Variants in CLVS1 observed in about 807,000 individuals in gnomAD.
The protein encoded by CLVS1 is clavesin 1.
A neutral mutation model predicts 33.1 loss-of-function variants in CLVS1; 10 were observed. The observed-to-expected ratio is 0.30, with a 90% CI of 0.19 to 0.51. The LOEUF (loss-of-function observed/expected upper bound fraction) is 0.51. CLVS1 is among the 20% of genes least tolerant of loss of function. The pLI, the probability that CLVS1 is intolerant of heterozygous loss-of-function variation, is 0.97. For missense variants in CLVS1, 343 were observed against 433.4 expected, an observed-to-expected ratio of 0.79 and a Z score of 1.85; for synonymous variants, 163 against 166.1, an observed-to-expected ratio of 0.98 and a Z score of 0.14.
the CLVS1 span, among the ~76,000 whole-genome samples, chr8:61,051,995 G>A: frequency 6.6e-6 from 1 of 152,374 alleles, no homozygotes; most frequent in Admixed American, 6.5e-5. Flanking sequence ...ATCCGGCCAT[G>A]GCCTTGGCCT....
At chr8:61,168,686 A>T (rs929041223) in intron 2 of CLVS1, among the ~76,000 whole-genome samples, 4 of 152,240 alleles carry the variant, frequency 2.6e-5, no homozygotes, top group African/African-American at 4.8e-5. Context: ...ATCACAAAAA[A>T]TTAAAAACTG....
chr8:61,071,294 G>A (rs1052942000), intron 1 of CLVS1, among the ~76,000 whole-genome samples: 4 of 152,202 alleles, frequency 2.6e-5, no homozygotes, highest in Non-Finnish European at 5.9e-5. Context: ...ATTGGGTGCC[G>A]AAATCAAGGT....
chr8:61,305,845 A>C (rs1323110996), intron 2 of CLVS1, among the ~76,000 whole-genome samples: 1 of 152,104 alleles, frequency 6.6e-6, no homozygotes. Context: ...TGCTAAGGAT[A>C]ATGGCTTCCA....
At chr8:61,066,272 G>C (rs1563390017) in intron 1 of CLVS1, among the ~76,000 whole-genome samples, 1 of 152,214 alleles carries the variant, frequency 6.6e-6, no homozygotes, top group East Asian at 1.9e-4. Context: ...AAGGCAGGTG[G>C]ATTGCTTGAG....
chr8:61,143,572 GAGTCTCCCT>G lies in CLVS1; in HGVS notation c.-152+11716_-152+11724del, dbSNP rs1806352867. On this transcript the variant is annotated intron_variant, in intron 2 of 2. Coordinates refer to the CLVS1 transcript ENST00000522621. ...TAATCATGTAGGACTCCCATAAAGA[GAGTCTCCCT>G]AGTGCCAGTCTTTGCTGTCTCATCC... 3.9e-5 allele frequency among the ~76,000 whole-genome samples: 6 copies of G among 152,030 alleles called. No individual in the cohort carries two copies. In the South Asian group the frequency reaches 1.3e-3, roughly 32 times the overall value.
rs1817066919 is a variant in CLVS1, at chr8:61,454,163, G to T, written c.653G>T (p.Gly218Val). 6.2e-7 allele frequency: 1 copy of T among 1,613,898 alleles called. No homozygotes were observed. Among genetic ancestry groups the T allele is most frequent in the Admixed American group, 1.7e-5 (1 of 59,998 alleles). ...CAGGACAGCTTTCCTGCCCGCTTTG[G>T]AGGAGTCCACTTTGTCAACCAGCCC... ...GLQDSFPARFGGVHFVNQPWY... is the reference protein window; with the variant it reads ...GLQDSFPARFVGVHFVNQPWY... Residue 218 changes from glycine to valine, a missense_variant, in exon 4 of 6, where the codon GGA becomes GTA. Coordinates refer to ENST00000325897, the MANE Select transcript of CLVS1 (RefSeq NM_173519.3).
chr8:61,397,413 A>G (rs1814570816), intron 3 of CLVS1, among the ~76,000 whole-genome samples: 1 of 152,130 alleles, frequency 6.6e-6, no homozygotes, highest in Non-Finnish European at 1.5e-5. Context: ...GAGTTATAAG[A>G]GAAACATGTC....
In CLVS1 at chr8:61,499,363, A is replaced by C; in HGVS notation, c.978-92A>C. The C allele has an allele frequency of 3.6e-6, 3 of 836,764 alleles. No homozygotes were observed. In the South Asian group the frequency reaches 4.3e-5, roughly 12 times the overall value. The allele number at this position is 836,764 out of a possible 1,614,324, so 51.8% of individuals were successfully genotyped here. A position where few individuals can be genotyped will look rare whatever the true frequency, so the allele number is the denominator to read the frequency against. ...GTTAATTTTTGAGTGTCTATTAAAA[A>C]GAGAAATATAAAATCCGGATGTCTT... is the stretch of plus-strand genomic sequence containing the variant. On this transcript the variant is annotated intron_variant, in intron 5 of 5. Transcript: ENST00000325897.
At chr8:60,975,011 G>T in the CLVS1 span, among the ~76,000 whole-genome samples, 1 of 152,078 alleles carries the variant, frequency 6.6e-6, no homozygotes, top group African/African-American at 2.4e-5. Flanking sequence ...TTTGAGAAAA[G>T]CTCCCTCGAT....
intron 5 of CLVS1, among the ~76,000 whole-genome samples, chr8:61,481,188 C>T (rs1428953436): frequency 6.6e-6 from 1 of 152,134 alleles, no homozygotes; most frequent in African/African-American, 2.4e-5. Flanking sequence ...GTGCAGCTGT[C>T]CATCTCCCTG....
chr8:61,432,237 T>G (rs1009884882), intron 3 of CLVS1, among the ~76,000 whole-genome samples: 1 of 152,226 alleles, frequency 6.6e-6, no homozygotes, highest in African/African-American at 2.4e-5. Context: ...GGACTAGACC[T>G]CACCTATTAT....
chr8:61,344,981 T>C (rs1161239780), intron 2 of CLVS1, among the ~76,000 whole-genome samples: 3 of 152,222 alleles, frequency 2.0e-5, no homozygotes, highest in Non-Finnish European at 2.9e-5. Context: ...TGTGACCTAC[T>C]GTGTTACCAA....
intron 2 of CLVS1, among the ~76,000 whole-genome samples, chr8:61,162,698 C>G (rs1443885788): frequency 6.6e-6 from 1 of 151,316 alleles, no homozygotes. Flanking sequence ...CAGAAATGGC[C>G]TTTGTTTTCC....
chr8:61,312,314 A>G (rs1428362924), intron 2 of CLVS1, among the ~76,000 whole-genome samples: 2 of 152,210 alleles, frequency 1.3e-5, no homozygotes, highest in Non-Finnish European at 2.9e-5. Context: ...ACTGGGAAAG[A>G]TTAAGTGCCC....
chr8:61,382,994 A>T (rs1813945147), intron 3 of CLVS1, among the ~76,000 whole-genome samples: 1 of 152,192 alleles, frequency 6.6e-6, no homozygotes. Context: ...TCAATGTTAG[A>T]GTGTTGTTGA....
chr8:61,150,292 G>C (rs1193884570), intron 2 of CLVS1, among the ~76,000 whole-genome samples: 1 of 152,182 alleles, frequency 6.6e-6, no homozygotes, highest in Non-Finnish European at 1.5e-5. Context: ...AAGGCACTGA[G>C]CTTGCCAAAG....
At chr8:61,497,442 T>TGGGG (rs59855401) in intron 5 of CLVS1, among the ~76,000 whole-genome samples, 82 of 127,560 alleles carry the variant, frequency 6.4e-4, no homozygotes, top group Non-Finnish European at 8.6e-4. Flanking sequence ...AGGTTTTTAT[T>TGGGG]GGGGGGGGGG....
intron 2 of CLVS1, among the ~76,000 whole-genome samples, chr8:61,172,607 C>A (rs1406149084): frequency 1.3e-5 from 2 of 152,068 alleles, no homozygotes; most frequent in Admixed American, 1.3e-4. Flanking sequence ...AAAATGTGAA[C>A]AGCAAAGCAC....
intron 1 of CLVS1, among the ~76,000 whole-genome samples, chr8:61,095,961 C>T (rs1369980515): frequency 2.0e-5 from 3 of 152,168 alleles, no homozygotes; most frequent in African/African-American, 7.2e-5. Flanking sequence ...GTTTTTATTG[C>T]ATCCATATAG....
Sources: allele counts gnomAD v4.1 joint callset (sites outside exome capture counted in the v4.1 genomes callset), GRCh38; gene constraint gnomAD v4.1.1; transcripts MANE v1.5; gene names NCBI Gene and HGNC (gene_info 2026-07-23, HGNC 2026-07-21).